EXOC6B: variants seen among roughly 807,000 people sequenced by gnomAD.
The protein encoded by EXOC6B is exocyst complex component 6B.
EXOC6B carries 54 observed loss-of-function variants against 113.5 expected under a neutral mutation model. That is an observed-to-expected ratio of 0.48 (90% CI 0.38 to 0.60). EXOC6B has a LOEUF of 0.60. Among genes scored for constraint, EXOC6B ranks in the 20% least tolerant of loss-of-function variants. The pLI, the probability that EXOC6B is intolerant of heterozygous loss-of-function variation, is 0.00. For missense variants in EXOC6B, 797 were observed against 977.5 expected, an observed-to-expected ratio of 0.82 and a Z score of 2.46; for synonymous variants, 357 against 339.0, an observed-to-expected ratio of 1.05 and a Z score of -0.58.
At chr2:72,473,130 G>A (rs1206905660) in intron 17 of EXOC6B, among the ~76,000 whole-genome samples, 2 of 152,110 alleles carry the variant, frequency 1.3e-5, no homozygotes, top group African/African-American at 2.4e-5. Context: ...TCCTTGTGCT[G>A]ATGAGAAGAA....
intron 7 of EXOC6B, among the ~76,000 whole-genome samples, chr2:72,566,186 T>C (rs984021350): frequency 2.6e-5 from 4 of 152,128 alleles, no homozygotes; most frequent in African/African-American, 9.7e-5. Context: ...GTAGTAAAAT[T>C]GTTTCCTGAT....
intron 6 of EXOC6B, among the ~76,000 whole-genome samples, chr2:72,587,691 A>G (rs985602530): frequency 6.6e-6 from 1 of 152,244 alleles, no homozygotes; most frequent in African/African-American, 2.4e-5. Flanking sequence ...AAATAAAATT[A>G]TAATCATTGG....
intron 6 of EXOC6B, among the ~76,000 whole-genome samples, chr2:72,601,475 G>A (rs551730740): frequency 2.0e-5 from 3 of 152,192 alleles, no homozygotes; most frequent in South Asian, 4.2e-4. Flanking sequence ...GTGAGCCACC[G>A]CGCCCAGCCT....
chr2:72,607,425 T>TTGGGG (rs1195761064), intron 6 of EXOC6B, among the ~76,000 whole-genome samples: 39 of 152,304 alleles, frequency 2.6e-4, no homozygotes, highest in African/African-American at 9.1e-4. Flanking sequence ...TCTTTATACA[T>TTGGGG]TATACAGTCT....
chr2:72,235,064 T>C (rs112620140), intron 20 of EXOC6B, among the ~76,000 whole-genome samples: 7 of 152,134 alleles, frequency 4.6e-5, no homozygotes, highest in East Asian at 1.9e-4. Flanking sequence ...CCCAAAGGAA[T>C]AGAAATCATC....
chr2:72,727,391 A>G (rs563947041), intron 5 of EXOC6B, among the ~76,000 whole-genome samples: 1 of 152,280 alleles, frequency 6.6e-6, no homozygotes, highest in East Asian at 1.9e-4. Context: ...GTAATCTTCA[A>G]AAGTAATAAA....
rs539690369 is a variant in EXOC6B at position 72,780,701 on chromosome 2, A to C, written c.114-39232T>G. 5.3e-5 allele frequency among the ~76,000 whole-genome samples: 8 copies of C among 152,322 alleles called. 1 individual carries two copies. Among genetic ancestry groups the C allele is most frequent in the African/African-American group, 1.9e-4 (8 of 41,582 alleles). On this transcript the variant is annotated intron_variant, in intron 1 of 21. Transcript: ENST00000272427. ...AAAATACTACCTTAGGCTATCTGACACCAAATTTCATTGAGTAGATGACAG... is the reference window on the plus strand; with the variant it reads ...AAAATACTACCTTAGGCTATCTGACCCCAAATTTCATTGAGTAGATGACAG...
chr2:72,361,513 G>A (rs146751626), intron 19 of EXOC6B, among the ~76,000 whole-genome samples: 383 of 152,226 alleles, frequency 2.5e-3, no homozygotes, highest in Non-Finnish European at 4.1e-3. Flanking sequence ...AGGGAATCTC[G>A]GACCAAAGGT....
At chr2:72,510,447 C>G (rs1386179043) in intron 11 of EXOC6B, among the ~76,000 whole-genome samples, 1 of 150,328 alleles carries the variant, frequency 6.7e-6, no homozygotes, top group Non-Finnish European at 1.5e-5. Flanking sequence ...CTTTTAATAG[C>G]TAGAAAAAAA....
intron 20 of EXOC6B, among the ~76,000 whole-genome samples, chr2:72,201,491 CACAGCA>C (rs1178878833): frequency 2.0e-5 from 3 of 152,022 alleles, no homozygotes; most frequent in Non-Finnish European, 4.4e-5. Context: ...AATTTGATCC[CACAGCA>C]AGTGGCAGAG....
intron 1 of EXOC6B, among the ~76,000 whole-genome samples, chr2:72,777,088 A>G (rs1241757084): frequency 6.6e-6 from 1 of 152,110 alleles, no homozygotes; most frequent in Non-Finnish European, 1.5e-5. Flanking sequence ...TAAAAATACA[A>G]AAATCAGCCA....
intron 5 of EXOC6B, among the ~76,000 whole-genome samples, chr2:72,718,845 T>TA (rs952076177): frequency 2.2e-4 from 34 of 151,798 alleles, no homozygotes; most frequent in African/African-American, 1.7e-4. Flanking sequence ...GACTCAATCT[T>TA]AAAAAAAGAG....
At chr2:72,511,247 T>C (rs1700878479) in intron 11 of EXOC6B, among the ~76,000 whole-genome samples, 1 of 152,156 alleles carries the variant, frequency 6.6e-6, no homozygotes, top group Non-Finnish European at 1.5e-5. Context: ...TAGAACTTGC[T>C]GCTTAGATGG....
chr2:72,254,414 A>G (rs914211589), intron 20 of EXOC6B, among the ~76,000 whole-genome samples: 15 of 152,208 alleles, frequency 9.9e-5, no homozygotes, highest in African/African-American at 3.4e-4. Context: ...AGTCTCCCTT[A>G]GAGCCTTCAG....
At chr2:72,627,323 C>T (rs1259546203) in intron 6 of EXOC6B, among the ~76,000 whole-genome samples, 3 of 152,172 alleles carry the variant, frequency 2.0e-5, no homozygotes, top group Admixed American at 1.3e-4. Context: ...ATATTAAAAA[C>T]ACTCTGCATT....
intron 12 of EXOC6B, among the ~76,000 whole-genome samples, chr2:72,499,103 C>T (rs1428988726): frequency 4.0e-5 from 6 of 151,840 alleles, no homozygotes; most frequent in African/African-American, 1.5e-4. Context: ...GTGGAAACTA[C>T]ATATGAAAAC....
At chr2:72,572,940 T>C (rs1704606166) in intron 7 of EXOC6B, among the ~76,000 whole-genome samples, 1 of 152,212 alleles carries the variant, frequency 6.6e-6, no homozygotes, top group South Asian at 2.1e-4. Context: ...AAATCTTTAA[T>C]ATGAATTGCT....
rs1226879331 is a variant in EXOC6B, at chr2:72,465,436, T to G, written c.1801-97A>C. On this transcript the variant is annotated intron_variant, in intron 17 of 21. Transcript: ENST00000272427. ...CCATCTGACATATCCATTAAGTAAC[T>G]GGGAATATAACTGGGAATACTGAGC... The G allele has an allele frequency of 6.7e-6, 6 of 899,186 alleles. No individual in the cohort carries two copies. In the East Asian group the frequency reaches 1.6e-4, roughly 24 times the overall value. The allele number at this position is 899,186 out of a possible 1,614,324, so 55.7% of individuals were successfully genotyped here. A position where few individuals can be genotyped will look rare whatever the true frequency, so the allele number is the denominator to read the frequency against.
At position 72,607,875 on chromosome 2, in the gene EXOC6B, A is replaced by C. The variant is rs138453208; in HGVS notation, c.670-32207T>G. On this transcript the variant is annotated intron_variant, in intron 6 of 21. Transcript: ENST00000272427. ...ATTTAAGTGACAAAATGAAAGGAGT[A>C]AGTATGAAACTGATGCTCAATGGAA... Among the ~76,000 whole-genome samples, 214 of 152,274 alleles carry C rather than the reference A, an allele frequency of 1.4e-3. 1 individual carries two copies. Among genetic ancestry groups the C allele is most frequent in the African/African-American group, 5.1e-3 (210 of 41,570 alleles).
Sources: allele counts gnomAD v4.1 joint callset (sites outside exome capture counted in the v4.1 genomes callset), GRCh38; gene constraint gnomAD v4.1.1; transcripts MANE v1.5; gene names NCBI Gene and HGNC (gene_info 2026-07-23, HGNC 2026-07-21).